The following EXT1 variants were observed in gnomAD, a reference collection of about 807,000 sequenced individuals.
EXT1 encodes the protein exostosin glycosyltransferase 1, also known as exostosin-1.
Under a neutral mutation model 82.5 loss-of-function variants are expected in EXT1, and 20 were observed. The observed-to-expected ratio is 0.24, with a 90% CI of 0.17 to 0.35. The LOEUF (loss-of-function observed/expected upper bound fraction) is 0.35, where lower values mean the gene tolerates loss of function less well. Ranked by LOEUF, EXT1 falls within the 10% of genes least tolerant of loss-of-function variation. EXT1 has a pLI of 1.00. For missense variants in EXT1, 757 were observed against 936.5 expected (o/e 0.81, Z 2.50); for synonymous variants, 348 against 350.8 (o/e 0.99, Z 0.09).
intron 1 of EXT1, among the ~76,000 whole-genome samples, chr8:118,064,641 G>A (rs2451159): frequency 0.39 from 58,504 of 151,946 alleles, 15,262 homozygotes; most frequent in African/African-American, 0.73. Context: ...ATAAACATAA[G>A]TGTGCATGTG....
At chr8:117,820,318 T>C (rs564647292) in intron 5 of EXT1, among the ~76,000 whole-genome samples, 1 of 152,322 alleles carries the variant, frequency 6.6e-6, no homozygotes, top group East Asian at 1.9e-4. Flanking sequence ...TTGGAAAGAT[T>C]ACTTAACCCT....
chr8:118,079,357 G>A (rs763878776), intron 1 of EXT1, among the ~76,000 whole-genome samples: 10 of 152,128 alleles, frequency 6.6e-5, no homozygotes, highest in Non-Finnish European at 8.8e-5. Context: ...TTAATTACTC[G>A]AATAAAACCT....
intron 1 of EXT1, among the ~76,000 whole-genome samples, chr8:117,874,948 T>A (rs995279124): frequency 2.0e-5 from 3 of 152,196 alleles, no homozygotes; most frequent in African/African-American, 7.2e-5. Flanking sequence ...TCTACACATA[T>A]AAGGTGCAAA....
intron 1 of EXT1, among the ~76,000 whole-genome samples, chr8:117,919,433 T>G (rs1813814366): frequency 6.6e-6 from 1 of 151,060 alleles, no homozygotes; most frequent in East Asian, 1.9e-4. Flanking sequence ...CAAGCAGTCC[T>G]CCCACCTTGA....
At chr8:117,863,815 T>C (rs537972232) in intron 1 of EXT1, among the ~76,000 whole-genome samples, 3 of 152,282 alleles carry the variant, frequency 2.0e-5, no homozygotes, top group African/African-American at 7.2e-5. Context: ...AGAACTAACG[T>C]AGTTCTTTAA....
Position 117,819,665 on chromosome 8 carries a change from T to C in EXT1, c.1536+11A>G, listed in dbSNP as rs766263578. The C allele has an allele frequency of 1.2e-6, 2 of 1,610,750 alleles. No individual in the cohort carries two copies. Among genetic ancestry groups the C allele is most frequent in the Admixed American group, 1.7e-5 (1 of 59,998 alleles). On this transcript the variant is annotated intron_variant, in intron 6 of 10. Transcript: ENST00000378204. The stretch of plus-strand genomic sequence containing the variant: ...AGCAGGCAGGGGCTTCTCTGTCAAC[T>C]TCCCGCTCACCTGGGCACAGTACTG...
chr8:117,853,847 T>C (rs1812496012), intron 1 of EXT1, among the ~76,000 whole-genome samples: 1 of 152,232 alleles, frequency 6.6e-6, no homozygotes, highest in South Asian at 2.1e-4. Flanking sequence ...TTTGAATGCC[T>C]GTGTTTTGTC....
intron 1 of EXT1, among the ~76,000 whole-genome samples, chr8:118,049,854 C>G (rs1179204406): frequency 5.9e-5 from 9 of 151,906 alleles, no homozygotes; most frequent in Non-Finnish European, 8.8e-5. Context: ...CCACGACCGC[C>G]AGGGCTCCCT....
chr8:117,944,959 G>A (rs1417101418), intron 1 of EXT1, among the ~76,000 whole-genome samples: 4 of 151,984 alleles, frequency 2.6e-5, no homozygotes, highest in Non-Finnish European at 4.4e-5. Flanking sequence ...TCAGGAGATC[G>A]AGACCATCCT....
chr8:118,068,095 T>A (rs1043170445), intron 1 of EXT1, among the ~76,000 whole-genome samples: 1 of 152,118 alleles, frequency 6.6e-6, no homozygotes, highest in Non-Finnish European at 1.5e-5. Context: ...TCAATGGAAA[T>A]GTTATTATTC....
chr8:118,110,080 C>T lies in EXT1; in HGVS notation c.962+5G>A. The T allele has an allele frequency of 6.2e-7, 1 of 1,613,952 alleles. No individual in the cohort carries two copies. Among genetic ancestry groups the T allele is most frequent in the Non-Finnish European group, 8.5e-7 (1 of 1,180,040 alleles). ...TCCCAAAGACACGCCAGCCCAGACA[C>T]TTACTTCTCATACTCGGTGTTGTCT... On this transcript the variant is annotated splice_donor_5th_base_variant and intron_variant, in intron 1 of 10. Coordinates refer to ENST00000378204, the MANE Select transcript of EXT1 (RefSeq NM_000127.3).
At chr8:118,057,306 G>A (rs1359623156) in intron 1 of EXT1, among the ~76,000 whole-genome samples, 5 of 152,108 alleles carry the variant, frequency 3.3e-5, no homozygotes, top group East Asian at 1.9e-4. Flanking sequence ...TTGGGAGGCC[G>A]AGGCAGGTGG....
At chr8:118,061,038 G>C (rs1454792829) in intron 1 of EXT1, among the ~76,000 whole-genome samples, 1 of 152,274 alleles carries the variant, frequency 6.6e-6, no homozygotes, top group East Asian at 1.9e-4. Context: ...AAGCATCACA[G>C]AGACAAAAAA....
intron 1 of EXT1, among the ~76,000 whole-genome samples, chr8:118,051,290 A>G (rs548363725): frequency 5.3e-5 from 8 of 152,306 alleles, no homozygotes; most frequent in Admixed American, 4.6e-4. Flanking sequence ...GTGAGCCATG[A>G]TGGTACCACT....
At chr8:117,996,941 A>G (rs1178175681) in intron 1 of EXT1, among the ~76,000 whole-genome samples, 3 of 152,196 alleles carry the variant, frequency 2.0e-5, no homozygotes, top group Non-Finnish European at 4.4e-5. Flanking sequence ...CCAGCAGAGC[A>G]CTACTTTAAT....
Position 117,838,169 on chromosome 8 carries a change from G to A in EXT1, c.963-968C>T, listed in dbSNP as rs111309708. On this transcript the variant is annotated intron_variant, in intron 1 of 10. Coordinates refer to ENST00000378204, the MANE Select transcript of EXT1 (RefSeq NM_000127.3). ...ATGGCTCATGTCCTGTAAAGGCCCC[G>A]ATTCTTAGAGCCAAGATGAAATCAC... Among the ~76,000 whole-genome samples the A allele has an allele frequency of 7.9e-3, 1,209 of 152,244 alleles. 33 individuals are homozygous for A. The highest frequency in any genetic ancestry group is 0.061 in the Admixed American group (933 of 15,288).
intron 1 of EXT1, among the ~76,000 whole-genome samples, chr8:117,974,069 A>C (rs764963856): frequency 1.2e-4 from 19 of 152,212 alleles, no homozygotes; most frequent in Admixed American, 4.6e-4. Context: ...AAAGGTTATA[A>C]TTCTTCTCAT....
chr8:117,905,677 T>C (rs1175056529), intron 1 of EXT1, among the ~76,000 whole-genome samples: 1 of 151,910 alleles, frequency 6.6e-6, no homozygotes, highest in African/African-American at 2.4e-5. Context: ...CCGGGCGTGG[T>C]GGCGGGCGCC....
intron 1 of EXT1, among the ~76,000 whole-genome samples, chr8:117,949,035 A>ATAGG (rs1814440202): frequency 1.3e-5 from 2 of 152,360 alleles, no homozygotes; most frequent in African/African-American, 4.8e-5. Context: ...GGAAGGGCAG[A>ATAGG]TAGGCCTGAA....
Sources: gnomAD v4.1 joint callset for allele counts (sites outside exome capture counted in the v4.1 genomes callset) on GRCh38, gnomAD v4.1.1 for gene constraint, MANE v1.5 for transcripts, NCBI Gene and HGNC (gene_info 2026-07-23, HGNC 2026-07-21) for gene names.